The following PHF20L1 variants were observed in gnomAD, a reference collection of about 807,000 sequenced individuals.
PHF20L1 encodes the protein PHD finger protein 20-like protein 1.
A neutral mutation model predicts 125.5 loss-of-function variants in PHF20L1; 44 were observed. The observed-to-expected ratio is 0.35, with a 90% CI of 0.28 to 0.45. PHF20L1 has a LOEUF of 0.45. Ranked by LOEUF, PHF20L1 falls within the 20% of genes least tolerant of loss-of-function variation. The pLI, the probability that PHF20L1 is intolerant of heterozygous loss-of-function variation, is 1.00. For missense variants in PHF20L1, 1,012 were observed against 1,217.2 expected (o/e 0.83, Z 2.51); for synonymous variants, 380 against 403.1 (o/e 0.94, Z 0.69).
At chr8:132,841,834 C>T (rs781180215) in intron 18 of PHF20L1, 2 of 152,098 alleles carry the variant, frequency 1.3e-5, no homozygotes, top group African/African-American at 2.4e-5. Context: ...TGCAAAGACA[C>T]ACACAGGTAC....
chr8:132,837,664 A>G (rs757353673), intron 16 of PHF20L1, 48 bp from the exon 17 acceptor site: 1 of 1,433,256 alleles, frequency 7.0e-7, no homozygotes, highest in Non-Finnish European at 9.8e-7. Context: ...TTCCTAGCTT[A>G]TTCCTAGTGA....
intron 2 of PHF20L1, among the ~76,000 whole-genome samples, chr8:132,791,815 A>G (rs1329259437): frequency 6.6e-6 from 1 of 152,180 alleles, no homozygotes; most frequent in East Asian, 1.9e-4. Flanking sequence ...TTATGTAGAG[A>G]GTACAGCATG....
At chr8:132,777,951 T>G in intron 2 of PHF20L1, 40 bp downstream of exon 2, 1 of 1,189,132 alleles carries the variant, frequency 8.4e-7, no homozygotes. Context: ...TATCACAATA[T>G]CTGTAGCCTT....
intron 19 of PHF20L1, chr8:132,843,604 A>ATT (rs918944716): frequency 3.1e-6 from 2 of 643,684 alleles, no homozygotes; most frequent in Non-Finnish European, 3.6e-6. Flanking sequence ...CCAAACGCAC[A>ATT]TTGTGTGTGT....
chr8:132,835,978 G>A (rs372320236), intron 15 of PHF20L1, among the ~76,000 whole-genome samples: 6 of 151,868 alleles, frequency 4.0e-5, no homozygotes, highest in South Asian at 4.2e-4. Context: ...AATAAAACCC[G>A]TCCTCTTTAC....
At chr8:132,813,331 C>G (rs763985891) in intron 9 of PHF20L1, 1 of 156,526 alleles carries the variant, frequency 6.4e-6, no homozygotes, top group African/African-American at 2.4e-5. Flanking sequence ...GAAATGATGA[C>G]AACTGAATGA....
chr8:132,778,022 A>C, intron 2 of PHF20L1, 111 bp downstream of exon 2: 1 of 688,050 alleles, frequency 1.5e-6, no homozygotes, highest in South Asian at 1.8e-5. Flanking sequence ...GTGTATTCAC[A>C]TTTCGATTAC....
intron 1 of PHF20L1, among the ~76,000 whole-genome samples, chr8:132,777,418 A>G (rs1829938989): frequency 6.6e-6 from 1 of 152,152 alleles, no homozygotes; most frequent in Non-Finnish European, 1.5e-5. Flanking sequence ...CAGAACACTC[A>G]GCTGTCTTAA....
chr8:132,833,821 G>C (rs1837047747), intron 15 of PHF20L1, among the ~76,000 whole-genome samples: 1 of 152,068 alleles, frequency 6.6e-6, no homozygotes, highest in African/African-American at 2.4e-5. Context: ...TAAGTCAGGA[G>C]AAAGAAAAGG....
chr8:132,831,188 G>C (rs1404864082), intron 14 of PHF20L1, among the ~76,000 whole-genome samples: 1 of 151,930 alleles, frequency 6.6e-6, no homozygotes, highest in African/African-American at 2.4e-5. Context: ...CATAAGCATT[G>C]AATGACTTTT....
At chr8:132,789,833 T>C (rs1456983833) in intron 2 of PHF20L1, among the ~76,000 whole-genome samples, 2 of 152,186 alleles carry the variant, frequency 1.3e-5, no homozygotes, top group Admixed American at 1.3e-4. Flanking sequence ...GAGAGCTCTA[T>C]GTAGAATTTT....
At chr8:132,801,639 G>A (rs235426) in intron 6 of PHF20L1, among the ~76,000 whole-genome samples, 104,033 of 151,504 alleles carry the variant, frequency 0.69, 35,940 homozygotes, top group East Asian at 0.95. Context: ...TTAAAAATGT[G>A]TTATATTTGA....
At chr8:132,817,211 C>A in intron 11 of PHF20L1, 128 bp from the exon 12 acceptor site, 1 of 925,980 alleles carries the variant, frequency 1.1e-6, no homozygotes, top group Non-Finnish European at 1.6e-6. Flanking sequence ...ACTTATTCTA[C>A]AAATATTTAT....
intron 14 of PHF20L1, among the ~76,000 whole-genome samples, chr8:132,829,297 A>C: frequency 6.6e-6 from 1 of 152,086 alleles, no homozygotes; most frequent in East Asian, 1.9e-4. Flanking sequence ...TAGGTATTCA[A>C]ATCCTGCCCG....
intron 15 of PHF20L1, among the ~76,000 whole-genome samples, chr8:132,834,825 C>T (rs1837161902): frequency 6.6e-6 from 1 of 151,832 alleles, no homozygotes; most frequent in East Asian, 1.9e-4. Context: ...AGTTGATTTA[C>T]TAGCTCCATG....
At chr8:132,831,907 A>G (rs1253840732) in intron 14 of PHF20L1, among the ~76,000 whole-genome samples, 1 of 152,080 alleles carries the variant, frequency 6.6e-6, no homozygotes, top group African/African-American at 2.4e-5. Flanking sequence ...GTCATCTTGC[A>G]TATTTTACTG....
At chr8:132,799,859 T>G (rs554884181) in intron 6 of PHF20L1, 1 of 152,020 alleles carries the variant, frequency 6.6e-6, no homozygotes, top group African/African-American at 2.4e-5. Context: ...TTTCTTCTAA[T>G]TAATATGTAA....
At chr8:132,795,587 T>C (rs1453805724) in intron 4 of PHF20L1, among the ~76,000 whole-genome samples, 1 of 152,124 alleles carries the variant, frequency 6.6e-6, no homozygotes, top group Non-Finnish European at 1.5e-5. Context: ...AGTTTTGGAA[T>C]ACTTGCACGT....
At chr8:132,810,819 T>TA (rs1834303453) in intron 8 of PHF20L1, 3 of 451,318 alleles carry the variant, frequency 6.6e-6, no homozygotes, top group Non-Finnish European at 1.2e-5. Context: ...TTTAATTGAG[T>TA]AATATTAAAC....
Sources: gnomAD v4.1 joint callset for allele counts (sites outside exome capture counted in the v4.1 genomes callset) on GRCh38, gnomAD v4.1.1 for gene constraint, MANE v1.5 for transcripts, NCBI Gene and HGNC (gene_info 2026-07-23, HGNC 2026-07-21) for gene names.